SGCZ: variants seen among roughly 807,000 people sequenced by gnomAD.
SGCZ encodes zeta-sarcoglycan.
In SGCZ, 40 loss-of-function variants were observed where a neutral mutation model predicts 41.3. The ratio of observed to expected loss-of-function variants is 0.97; its 90% CI spans 0.75 to 1.26. The LOEUF is 1.26. Ranked by LOEUF, SGCZ falls within the 50% of genes most tolerant of loss-of-function variation. SGCZ has a pLI of 0.00. For missense variants in SGCZ, 552 were observed against 369.8 expected, an observed-to-expected ratio of 1.49 and a Z score of -4.04; for synonymous variants, 206 against 137.5, an observed-to-expected ratio of 1.50 and a Z score of -3.49.
intron 2 of SGCZ, among the ~76,000 whole-genome samples, chr8:14,373,061 G>C (rs1037348820): frequency 2.6e-5 from 4 of 152,158 alleles, no homozygotes; most frequent in African/African-American, 9.7e-5. Flanking sequence ...GAGAAGATCA[G>C]TCAAGAGGCT....
chr8:15,178,359 G>A (rs754218829), intron 1 of SGCZ, among the ~76,000 whole-genome samples: 22 of 151,996 alleles, frequency 1.4e-4, no homozygotes, highest in Non-Finnish European at 2.2e-4. Flanking sequence ...GCAGAGATCT[G>A]AGTTCAAAAC....
intron 3 of SGCZ, among the ~76,000 whole-genome samples, chr8:14,289,064 C>T (rs181628610): frequency 3.5e-4 from 53 of 152,086 alleles, no homozygotes; most frequent in Non-Finnish European, 4.9e-4. Flanking sequence ...GATATCTATT[C>T]GTATATCTTC....
chr8:14,146,172 G>A (rs1328221117), intron 5 of SGCZ, among the ~76,000 whole-genome samples: 2 of 152,072 alleles, frequency 1.3e-5, no homozygotes, highest in Non-Finnish European at 2.9e-5. Context: ...AAAAGTCAAT[G>A]ATAAAGAAAG....
chr8:14,410,407 A>AAG (rs1414075609), intron 2 of SGCZ, among the ~76,000 whole-genome samples: 1 of 151,860 alleles, frequency 6.6e-6, no homozygotes, highest in Non-Finnish European at 1.5e-5. Flanking sequence ...TAAGAAAAAA[A>AAG]AAAACAGAAA....
intron 1 of SGCZ, among the ~76,000 whole-genome samples, chr8:14,809,629 A>G (rs1777961705): frequency 6.6e-6 from 1 of 152,172 alleles, no homozygotes; most frequent in Admixed American, 6.6e-5. Context: ...TAGACCCTCA[A>G]TTGTCTATAG....
intron 2 of SGCZ, among the ~76,000 whole-genome samples, chr8:14,418,235 A>G (rs975801674): frequency 6.6e-6 from 1 of 151,938 alleles, no homozygotes; most frequent in African/African-American, 2.4e-5. Flanking sequence ...GTATTCTATC[A>G]TGACTTGGGC....
intron 1 of SGCZ, among the ~76,000 whole-genome samples, chr8:14,572,263 G>C (rs756480749): frequency 1.3e-5 from 2 of 151,962 alleles, no homozygotes; most frequent in Non-Finnish European, 2.9e-5. Context: ...TTTATAATCT[G>C]AAAATAAAGT....
chr8:14,498,463 A>G (rs973879240), intron 2 of SGCZ, among the ~76,000 whole-genome samples: 2 of 152,116 alleles, frequency 1.3e-5, no homozygotes, highest in Admixed American at 6.6e-5. Flanking sequence ...TATATTGACA[A>G]CCATGACAGA....
At chr8:14,447,382 A>G (rs917508170) in intron 2 of SGCZ, among the ~76,000 whole-genome samples, 6 of 152,168 alleles carry the variant, frequency 3.9e-5, no homozygotes, top group Non-Finnish European at 7.3e-5. Context: ...TTGGGTAAAA[A>G]ATTCAACTTA....
chr8:14,887,374 A>G lies in SGCZ; in HGVS notation c.40-332448T>C, dbSNP rs146058278. On this transcript the variant is annotated intron_variant, in intron 1 of 7. Transcript: ENST00000382080. ...TACATATAAATTATTTTCCTAAAAC[A>G]CTGTGCCAATTTTTCTGACTGCATT... 1.8e-4 allele frequency among the ~76,000 whole-genome samples: 27 copies of G among 152,268 alleles called. No individual in the cohort carries two copies. The Middle Eastern group carries it at 0.014, about 77-fold the overall frequency.
intron 2 of SGCZ, among the ~76,000 whole-genome samples, chr8:14,537,626 A>G (rs1803335851): frequency 6.7e-6 from 1 of 149,814 alleles, no homozygotes; most frequent in African/African-American, 2.5e-5. Flanking sequence ...TCTCCTTCCC[A>G]TCCATCAGAG....
At chr8:14,826,392 A>G (rs912887515) in intron 1 of SGCZ, among the ~76,000 whole-genome samples, 9 of 152,168 alleles carry the variant, frequency 5.9e-5, no homozygotes, top group Non-Finnish European at 1.0e-4. Context: ...CGCAATAAAC[A>G]TACATGTGCA....
chr8:14,495,567 T>C (rs1801964538), intron 2 of SGCZ, among the ~76,000 whole-genome samples: 1 of 152,206 alleles, frequency 6.6e-6, no homozygotes, highest in African/African-American at 2.4e-5. Context: ...AGTGTACATT[T>C]GACCCTTTAT....
intron 4 of SGCZ, among the ~76,000 whole-genome samples, chr8:14,221,909 C>T (rs1376602596): frequency 6.6e-6 from 1 of 150,902 alleles, no homozygotes; most frequent in Non-Finnish European, 1.5e-5. Context: ...TGCAGTGAGC[C>T]GAGATCATGC....
At chr8:14,959,353 A>C (rs974479784) in intron 1 of SGCZ, among the ~76,000 whole-genome samples, 2 of 152,112 alleles carry the variant, frequency 1.3e-5, no homozygotes, top group African/African-American at 4.8e-5. Context: ...TTGGTATATT[A>C]GTTCTGGTGC....
intron 1 of SGCZ, among the ~76,000 whole-genome samples, chr8:14,971,203 A>G (rs1271513985): frequency 1.3e-5 from 2 of 152,104 alleles, no homozygotes; most frequent in Non-Finnish European, 2.9e-5. Context: ...TGTTAGTTTC[A>G]TGTCTTCTTT....
At chr8:14,784,765 G>A (rs1350461378) in intron 1 of SGCZ, among the ~76,000 whole-genome samples, 5 of 150,852 alleles carry the variant, frequency 3.3e-5, no homozygotes, top group African/African-American at 4.9e-5. Flanking sequence ...AGGCGGGCAT[G>A]GTGGCGTATG....
chr8:14,447,702 A>G (rs1800472659), intron 2 of SGCZ, among the ~76,000 whole-genome samples: 1 of 152,182 alleles, frequency 6.6e-6, no homozygotes, highest in South Asian at 2.1e-4. Flanking sequence ...TTTTTAAATG[A>G]CAGTATTTGG....
At chr8:14,192,126 AT>A (rs1563177434) in intron 4 of SGCZ, among the ~76,000 whole-genome samples, 1 of 152,094 alleles carries the variant, frequency 6.6e-6, no homozygotes, top group Non-Finnish European at 1.5e-5. Context: ...TCCTAAAAAA[AT>A]ACTGGTCAAG....
Sources: gnomAD v4.1 joint callset for allele counts (sites outside exome capture counted in the v4.1 genomes callset) on GRCh38, gnomAD v4.1.1 for gene constraint, MANE v1.5 for transcripts, NCBI Gene and HGNC (gene_info 2026-07-23, HGNC 2026-07-21) for gene names.